CAMK2B: variants seen among roughly 807,000 people sequenced by gnomAD.
CAMK2B encodes calcium/calmodulin dependent protein kinase II beta.
In CAMK2B, 27 loss-of-function variants were observed where a neutral mutation model predicts 93.7. The observed-to-expected ratio is 0.29, with a 90% confidence interval of 0.21 to 0.40. CAMK2B has a LOEUF of 0.40. Among genes scored for constraint, CAMK2B ranks in the 10% least tolerant of loss-of-function variants. The pLI is 1.00. For missense variants in CAMK2B, 568 were observed against 895.8 expected (o/e 0.63, Z 4.67); for synonymous variants, 374 against 358.8 (o/e 1.04, Z -0.48).
chr7:44,260,516 T>C (rs956172779), intron 3 of CAMK2B, among the ~76,000 whole-genome samples: 41 of 152,200 alleles, frequency 2.7e-4, no homozygotes, highest in African/African-American at 9.9e-4. Flanking sequence ...ACTGGCTGTG[T>C]GACCTGGGGC....
Position 44,218,653 on chromosome 7 carries a change from T to C in CAMK2B, c.*872A>G, listed in dbSNP as rs898951992. ...AGAGTCCTCTTGCCACAGCTGGCTGTGTTGGAGCTGTAGCCAGCAGTGCTG... is the reference window on the plus strand; with the variant it reads ...AGAGTCCTCTTGCCACAGCTGGCTGCGTTGGAGCTGTAGCCAGCAGTGCTG... On this transcript the variant is annotated 3_prime_UTR_variant, in exon 24 of 24. Transcript: ENST00000395749. The C allele has an allele frequency of 2.6e-5, 4 of 152,392 alleles. No individual in the cohort carries two copies. The highest frequency in any genetic ancestry group is 7.2e-5 in the African/African-American group (3 of 41,572). 9.4% of individuals were successfully genotyped at this position (152,392 alleles called of 1,614,324 possible).
chr7:44,321,938 A>G (rs1350790236), intron 1 of CAMK2B, among the ~76,000 whole-genome samples: 1 of 152,224 alleles, frequency 6.6e-6, no homozygotes, highest in African/African-American at 2.4e-5. Context: ...GCACCTGCAA[A>G]GACAGAAGAC....
chr7:44,287,089 C>T (rs74483448), intron 1 of CAMK2B, among the ~76,000 whole-genome samples: 1 of 152,040 alleles, frequency 6.6e-6, no homozygotes, highest in African/African-American at 2.4e-5. Flanking sequence ...GACTTGGATG[C>T]CCCCAGAGGG....
rs565318645 is a variant in CAMK2B at position 44,220,085 on chromosome 7, C to T, written c.1978G>A (p.Ala660Thr). ...CTTCACTGCAGCGGGGCCACAGGCG[C>T]GCCCGAGCAGTGGAAGTGCACGTTC... is the stretch of plus-strand genomic sequence containing the variant. ...WQNVHFHCSGAPVAPLQ is the reference protein window; with the variant it reads ...WQNVHFHCSGTPVAPLQ The change falls in exon 23 of 24, where the codon GCG (alanine) becomes ACG (threonine). Residue 660 changes from alanine to threonine, a missense_variant. Around this residue, in one of 4 missense-constraint regions of CAMK2B, gnomAD observed 116 missense variants for 188.0 expected, o/e 0.62. Transcript: ENST00000395749. 9.7e-5 allele frequency: 156 copies of T among 1,600,902 alleles called. No individual in the cohort carries two copies. Among genetic ancestry groups the T allele is most frequent in the Middle Eastern group, 1.6e-4 (1 of 6,066 alleles).
chr7:44,226,602 GA>G lies in CAMK2B; in HGVS notation c.1510del (p.Ser504GlnfsTer62). On this transcript the variant is annotated frameshift_variant, in exon 20 of 24. Coordinates refer to ENST00000395749, the MANE Select transcript of CAMK2B (RefSeq NM_001220.5). LOFTEE classifies it high-confidence loss of function. ...GGGGCCCTCGGCTTCTGGGGTCCCT[GA>G]GCCCCTCCTCACAGAGTTCAGGATG... ...SDILNSVRRG[S>X]GTPEAEGPSP... 6.6e-7 allele frequency: 1 copy of G among 1,522,086 alleles called. No individual in the cohort carries two copies. Among genetic ancestry groups the G allele is most frequent in the Non-Finnish European group, 8.7e-7 (1 of 1,144,002 alleles). The allele number at this position is 1,522,086 out of a possible 1,614,324, so 94.3% of individuals were successfully genotyped here. A position where few individuals can be genotyped will look rare whatever the true frequency, so the allele number is the denominator to read the frequency against.
intron 1 of CAMK2B, among the ~76,000 whole-genome samples, chr7:44,316,251 A>T (rs1028812900): frequency 9.9e-5 from 15 of 151,898 alleles, no homozygotes; most frequent in Non-Finnish European, 1.5e-4. Flanking sequence ...GTTTTTTTTT[A>T]AATGCTTTTT....
At chr7:44,304,743 T>C (rs1008600324) in intron 1 of CAMK2B, among the ~76,000 whole-genome samples, 2 of 152,212 alleles carry the variant, frequency 1.3e-5, no homozygotes, top group African/African-American at 4.8e-5. Flanking sequence ...TAATGTAAGC[T>C]ATGGGCTTTA....
intron 1 of CAMK2B, among the ~76,000 whole-genome samples, chr7:44,303,837 C>T (rs1303147230): frequency 6.6e-6 from 1 of 152,098 alleles, no homozygotes; most frequent in African/African-American, 2.4e-5. Flanking sequence ...GAGAAAATAT[C>T]TACAAAACAC....
intron 13 of CAMK2B, among the ~76,000 whole-genome samples, chr7:44,238,246 C>A (rs2128949487): frequency 6.6e-6 from 1 of 152,326 alleles, no homozygotes; most frequent in Middle Eastern, 3.4e-3. Flanking sequence ...CAGGACAGAG[C>A]TGCTCTCGGC....
At chr7:44,255,039 T>C (rs2096822762) in intron 4 of CAMK2B, among the ~76,000 whole-genome samples, 1 of 151,998 alleles carries the variant, frequency 6.6e-6, no homozygotes, top group South Asian at 2.1e-4. Context: ...ATTCCAAGTC[T>C]GAGAAGATCT....
chr7:44,319,634 G>A (rs1046085781), intron 1 of CAMK2B, among the ~76,000 whole-genome samples: 1 of 152,120 alleles, frequency 6.6e-6, no homozygotes, highest in Non-Finnish European at 1.5e-5. Flanking sequence ...TGGTCGTGCT[G>A]AGAACACAGC....
In CAMK2B at chr7:44,219,911, C is replaced by T. The variant is rs1562758806; in HGVS notation, c.*2+149G>A. On this transcript the variant is annotated intron_variant, in intron 23 of 23. Transcript: ENST00000395749. The stretch of plus-strand genomic sequence containing the variant: ...CCTGCCGTGGTCCCTAATTTGACAT[C>T]ATTCCTGTGGCCTCACCAGGAAAGC... 12 of 680,648 alleles carry T rather than the reference C, an allele frequency of 1.8e-5. No individual in the cohort carries two copies. The South Asian group carries it at 2.3e-4, about 13-fold the overall frequency. The allele number at this position is 680,648 out of a possible 1,614,324, so 42.2% of individuals were successfully genotyped here.
chr7:44,305,197 G>C (rs2115608867), intron 1 of CAMK2B, among the ~76,000 whole-genome samples: 1 of 152,262 alleles, frequency 6.6e-6, no homozygotes, highest in East Asian at 1.9e-4. Flanking sequence ...GTGTATAAGG[G>C]TTCCCTTCAG....
intron 23 of CAMK2B, 116 bp downstream of exon 23, chr7:44,219,944 C>T: frequency 1.3e-6 from 1 of 765,324 alleles, no homozygotes; most frequent in Non-Finnish European, 1.9e-6. Context: ...AGCTCAGGGA[C>T]TTCCCAGGCA....
intron 17 of CAMK2B, among the ~76,000 whole-genome samples, chr7:44,230,593 A>C (rs1284532458): frequency 1.3e-5 from 2 of 152,192 alleles, no homozygotes; most frequent in Non-Finnish European, 2.9e-5. Flanking sequence ...GCAAACACGG[A>C]AACACTCACC....
At chr7:44,242,012 CT>C (rs1294644203) in intron 10 of CAMK2B, among the ~76,000 whole-genome samples, 1 of 152,190 alleles carries the variant, frequency 6.6e-6, no homozygotes, top group Non-Finnish European at 1.5e-5. Flanking sequence ...AAGGGATCAC[CT>C]CTACCCTCTA....
intron 1 of CAMK2B, among the ~76,000 whole-genome samples, chr7:44,317,248 G>GAAA (rs556397526): frequency 3.5e-4 from 37 of 105,148 alleles, no homozygotes; most frequent in South Asian, 1.4e-3. Flanking sequence ...CAGGAAAAAT[G>GAAA]AAAAAAAAAA....
chr7:44,298,752 A>G (rs933589324), intron 1 of CAMK2B, among the ~76,000 whole-genome samples: 3 of 152,264 alleles, frequency 2.0e-5, no homozygotes, highest in African/African-American at 7.2e-5. Context: ...AGATATGCAA[A>G]TGGAAAACAA....
At chr7:44,228,237 G>A (rs1040926563) in intron 19 of CAMK2B, among the ~76,000 whole-genome samples, 3 of 152,044 alleles carry the variant, frequency 2.0e-5, no homozygotes, top group Non-Finnish European at 4.4e-5. Flanking sequence ...GGTCAGCAGA[G>A]GCCAGGCTTA....
Sources: allele counts gnomAD v4.1 joint callset (sites outside exome capture counted in the v4.1 genomes callset), GRCh38; gene constraint gnomAD v4.1.1; regional missense constraint gnomAD v4.1.1; transcripts MANE v1.5; gene names NCBI Gene and HGNC (gene_info 2026-07-23, HGNC 2026-07-21).